The following COPS3 variants were observed in gnomAD, a reference collection of about 807,000 sequenced individuals.
COPS3 encodes the protein COP9 signalosome complex subunit 3.
In COPS3, 10 loss-of-function variants were observed where a neutral mutation model predicts 58.2. The observed-to-expected ratio is 0.17, with a 90% confidence interval of 0.11 to 0.29. The LOEUF (loss-of-function observed/expected upper bound fraction) is 0.29, where lower values mean the gene tolerates loss of function less well. Among genes scored for constraint, COPS3 ranks in the 10% least tolerant of loss-of-function variants. The pLI is 1.00. For synonymous variants in COPS3, 187 were observed against 181.7 expected (o/e 1.03, Z -0.24); for missense variants, 333 against 510.1 (o/e 0.65, Z 3.34).
At chr17:17,270,614 C>A (rs933415545) in intron 4 of COPS3, 144 bp downstream of exon 4, 5 of 749,354 alleles carry the variant, frequency 6.7e-6, no homozygotes, top group Non-Finnish European at 1.1e-5. Context: ...GAGCTTACAG[C>A]AATGGCTGTG....
At chr17:17,268,851 A>AAATAT (rs1425933617) in intron 4 of COPS3, among the ~76,000 whole-genome samples, 2 of 148,960 alleles carry the variant, frequency 1.3e-5, no homozygotes, top group Non-Finnish European at 3.0e-5. Context: ...CAACAACAAA[A>AAATAT]ATATATATAT....
In COPS3 at chr17:17,270,945, G is replaced by C; in HGVS notation, c.249C>G (p.Leu83=). Residue 83 remains leucine (L), a synonymous_variant, in exon 3 of 12, where the codon CTC becomes CTG. Coordinates refer to ENST00000268717, the MANE Select transcript of COPS3 (RefSeq NM_003653.4). ...DFETLFSQVQ[L]FISTCNGEHI... ...GCTCCCCATTACAAGTGCTGATGAA[G>C]AGCTGAACCTGTGAGAATAGCGTTT... The C allele has an allele frequency of 6.2e-7, 1 of 1,613,962 alleles. No individual in the cohort carries two copies.
rs996728799 is a variant in COPS3 at position 17,281,205 on chromosome 17, C to G, written c.-19G>C. The G allele has an allele frequency of 3.1e-6, 5 of 1,606,412 alleles. No homozygotes were observed. Among genetic ancestry groups the G allele is most frequent in the Non-Finnish European group, 4.2e-6 (5 of 1,176,910 alleles). On this transcript the variant is annotated 5_prime_UTR_variant, in exon 1 of 12. Coordinates refer to ENST00000268717, the MANE Select transcript of COPS3 (RefSeq NM_003653.4). Reference sequence around the variant, plus strand: ...ACGCCATGTTTTCCCCCGGGCGGCCCGAGCGGCGAAGGCAGCACGCGCGGG... The same window carrying G: ...ACGCCATGTTTTCCCCCGGGCGGCCGGAGCGGCGAAGGCAGCACGCGCGGG...
Position 17,246,898 on chromosome 17 carries a change from A to T in COPS3, c.*200T>A, listed in dbSNP as rs891159965. ...CTGAGGATAAATAAATCCACGACAG[A>T]CTTTAAAGTTTGCAAATCTGTTTCC... is the stretch of plus-strand genomic sequence containing the variant. On this transcript the variant is annotated 3_prime_UTR_variant, in exon 12 of 12. Transcript: ENST00000268717. 8.5e-6 allele frequency: 5 copies of T among 588,766 alleles called. No individual in the cohort carries two copies. The African/African-American group carries it at 9.4e-5, about 11-fold the overall frequency. 36.5% of individuals were successfully genotyped at this position (588,766 alleles called of 1,614,324 possible).
At chr17:17,253,051 C>A (rs1005631590) in intron 9 of COPS3, among the ~76,000 whole-genome samples, 7 of 152,118 alleles carry the variant, frequency 4.6e-5, no homozygotes, top group African/African-American at 1.7e-4. Flanking sequence ...CATAAAGAGA[C>A]CCTGCCTGTA....
intron 9 of COPS3, among the ~76,000 whole-genome samples, chr17:17,252,145 G>A (rs2047860677): frequency 6.6e-6 from 1 of 152,106 alleles, no homozygotes; most frequent in Non-Finnish European, 1.5e-5. Flanking sequence ...GATATTTTCC[G>A]GGTGCTGGTC....
rs559572579 is a variant in COPS3 at position 17,280,952 on chromosome 17, G to T, written c.55+180C>A. Among the ~76,000 whole-genome samples, 7 of 152,270 alleles carry T rather than the reference G, an allele frequency of 4.6e-5. No homozygotes were observed. In the South Asian group the frequency reaches 1.4e-3, roughly 32 times the overall value. Reference sequence around the variant, plus strand: ...CGGCGAGGACAGCGGAGCGCGAGGGGGCTGCCTACACTCGGCCGCGCTCGA... The same window carrying T: ...CGGCGAGGACAGCGGAGCGCGAGGGTGCTGCCTACACTCGGCCGCGCTCGA... On this transcript the variant is annotated intron_variant, in intron 1 of 11. Coordinates refer to ENST00000268717, the MANE Select transcript of COPS3 (RefSeq NM_003653.4).
chr17:17,254,578 G>A (rs539309420), intron 9 of COPS3, among the ~76,000 whole-genome samples: 2 of 152,184 alleles, frequency 1.3e-5, no homozygotes, highest in East Asian at 1.9e-4. Flanking sequence ...TTGGGAGCCC[G>A]AGGCGGGCAG....
intron 4 of COPS3, among the ~76,000 whole-genome samples, chr17:17,268,850 AAATAT>A (rs1348850862): frequency 2.1e-5 from 3 of 141,610 alleles, no homozygotes; most frequent in Non-Finnish European, 4.6e-5. Flanking sequence ...ACAACAACAA[AAATAT>A]ATATATATAT....
intron 2 of COPS3, among the ~76,000 whole-genome samples, chr17:17,272,188 C>T (rs2048367726): frequency 6.6e-6 from 1 of 152,080 alleles, no homozygotes; most frequent in African/African-American, 2.4e-5. Flanking sequence ...TTTGGGAGGC[C>T]AAGGCGGGTG....
intron 6 of COPS3, among the ~76,000 whole-genome samples, chr17:17,262,658 A>G (rs895954389): frequency 6.6e-6 from 1 of 151,980 alleles, no homozygotes; most frequent in Admixed American, 6.6e-5. Context: ...TGAACCCAGG[A>G]GGCGGAGCTT....
At chr17:17,253,837 T>A (rs1207465272) in intron 9 of COPS3, among the ~76,000 whole-genome samples, 1 of 152,066 alleles carries the variant, frequency 6.6e-6, no homozygotes, top group Non-Finnish European at 1.5e-5. Flanking sequence ...ACAAAAATTC[T>A]GATAATGAAA....
intron 2 of COPS3, among the ~76,000 whole-genome samples, chr17:17,271,881 T>TAATAATATGTATTA (rs1555620736): frequency 9.6e-5 from 12 of 124,354 alleles, no homozygotes; most frequent in Admixed American, 9.6e-4. Context: ...CACATATGTT[T>TAATAATATGTATTA]AATAATATAT....
At chr17:17,267,054 C>G (rs532356581) in intron 5 of COPS3, among the ~76,000 whole-genome samples, 235 of 149,592 alleles carry the variant, frequency 1.6e-3, no homozygotes, top group African/African-American at 5.5e-3. Context: ...AAAAAAGTTA[C>G]AGGCCGGGCA....
chr17:17,257,035 C>T (rs1197521963), intron 8 of COPS3, among the ~76,000 whole-genome samples: 1 of 152,106 alleles, frequency 6.6e-6, no homozygotes, highest in Non-Finnish European at 1.5e-5. Context: ...AACATTCTAG[C>T]CTGACCAACA....
chr17:17,265,302 TTTGGGTTTCAAATTTTTGGA>T (rs1234673579), intron 5 of COPS3, among the ~76,000 whole-genome samples: 6 of 152,170 alleles, frequency 3.9e-5, no homozygotes, highest in Non-Finnish European at 5.9e-5. Flanking sequence ...TTTGGAGCAT[TTTGGGTTTCAAATTTTTGGA>T]TTGGGTTTCA....
At chr17:17,280,155 T>C (rs1359522930) in intron 1 of COPS3, among the ~76,000 whole-genome samples, 1 of 152,164 alleles carries the variant, frequency 6.6e-6, no homozygotes, top group African/African-American at 2.4e-5. Context: ...CTCATGCCTG[T>C]AATCCCAGCA....
intron 1 of COPS3, among the ~76,000 whole-genome samples, chr17:17,278,145 C>T (rs1054215348): frequency 3.3e-5 from 5 of 151,842 alleles, no homozygotes; most frequent in African/African-American, 9.7e-5. Flanking sequence ...AGCAAGACTC[C>T]GTTTCGGGGG....
At chr17:17,253,069 T>A (rs961874286) in intron 9 of COPS3, among the ~76,000 whole-genome samples, 5 of 152,036 alleles carry the variant, frequency 3.3e-5, no homozygotes, top group East Asian at 3.9e-4. Flanking sequence ...GTACAAAAAA[T>A]TTAAAAATTA....
Sources: gnomAD v4.1 joint callset for allele counts (sites outside exome capture counted in the v4.1 genomes callset) on GRCh38, gnomAD v4.1.1 for gene constraint, MANE v1.5 for transcripts, NCBI Gene and HGNC (gene_info 2026-07-23, HGNC 2026-07-21) for gene names.